Variants in MSI2 observed in about 807,000 individuals in gnomAD.
MSI2 encodes the protein musashi RNA binding protein 2.
In MSI2, 17 loss-of-function variants were observed where a neutral mutation model predicts 45.6. The ratio of observed to expected loss-of-function variants is 0.37; its 90% CI spans 0.26 to 0.56. The LOEUF (loss-of-function observed/expected upper bound fraction) is 0.56, where lower values mean the gene tolerates loss of function less well. MSI2 is among the 20% of genes least tolerant of loss of function. MSI2 has a pLI of 0.77. For missense variants in MSI2, 293 were observed against 444.2 expected (o/e 0.66, Z 3.06); for synonymous variants, 156 against 158.2 (o/e 0.99, Z 0.11).
At chr17:57,429,157 T>C (rs1205235665) in intron 6 of MSI2, among the ~76,000 whole-genome samples, 1 of 152,068 alleles carries the variant, frequency 6.6e-6, no homozygotes, top group Non-Finnish European at 1.5e-5. Context: ...TCTCCCTTCA[T>C]GTGGGGAGGG....
At chr17:57,521,509 T>G (rs983616602) in intron 6 of MSI2, among the ~76,000 whole-genome samples, 2 of 152,226 alleles carry the variant, frequency 1.3e-5, no homozygotes, top group African/African-American at 2.4e-5. Flanking sequence ...TTGGCTTTCT[T>G]GTACTAAGAC....
chr17:57,355,887 C>T (rs1266765437), intron 5 of MSI2, among the ~76,000 whole-genome samples: 1 of 152,064 alleles, frequency 6.6e-6, no homozygotes, highest in Non-Finnish European at 1.5e-5. Flanking sequence ...GGCTATGTTT[C>T]CCAGGCTAGG....
At chr17:57,662,977 C>T (rs375198425) in intron 11 of MSI2, among the ~76,000 whole-genome samples, 2 of 152,232 alleles carry the variant, frequency 1.3e-5, no homozygotes, top group East Asian at 3.8e-4. Context: ...AGCCAATGCC[C>T]AGAAGAAACT....
intron 10 of MSI2, among the ~76,000 whole-genome samples, chr17:57,642,535 G>A (rs1239822929): frequency 6.6e-6 from 1 of 152,128 alleles, no homozygotes; most frequent in East Asian, 1.9e-4. Context: ...AGTGAGCCAC[G>A]GCCTCCTTTA....
At chr17:57,443,685 G>A (rs993785628) in intron 6 of MSI2, among the ~76,000 whole-genome samples, 4 of 152,154 alleles carry the variant, frequency 2.6e-5, no homozygotes, top group African/African-American at 9.7e-5. Context: ...CTGCCCGTGT[G>A]AGACAGGCTT....
intron 11 of MSI2, among the ~76,000 whole-genome samples, chr17:57,656,542 G>T (rs1911601672): frequency 1.3e-5 from 2 of 152,294 alleles, no homozygotes; most frequent in Admixed American, 1.3e-4. Context: ...GGGGAAATGA[G>T]ACATGGTAAG....
intron 11 of MSI2, among the ~76,000 whole-genome samples, chr17:57,670,033 G>A (rs1912667728): frequency 6.6e-6 from 1 of 152,248 alleles, no homozygotes; most frequent in Non-Finnish European, 1.5e-5. Context: ...CTGGAACTTG[G>A]TGGGCCCCTG....
intron 8 of MSI2, among the ~76,000 whole-genome samples, chr17:57,613,183 GC>G (rs1401853760): frequency 6.6e-6 from 1 of 152,104 alleles, no homozygotes; most frequent in Non-Finnish European, 1.5e-5. Flanking sequence ...AAAATAACTA[GC>G]AAAATGCCCA....
chr17:57,449,808 A>G (rs1158510489), intron 6 of MSI2: 1 of 152,176 alleles, frequency 6.6e-6, no homozygotes, highest in Non-Finnish European at 1.5e-5. Context: ...CAGGCAGATC[A>G]TGAGGTCAGG....
chr17:57,359,217 A>G (rs939753833), intron 5 of MSI2, among the ~76,000 whole-genome samples: 7 of 152,214 alleles, frequency 4.6e-5, no homozygotes, highest in African/African-American at 1.7e-4. Context: ...GAGCCAGCCC[A>G]TCAAGCTGTC....
chr17:57,388,197 A>G (rs527950363), intron 5 of MSI2, among the ~76,000 whole-genome samples: 1 of 152,306 alleles, frequency 6.6e-6, no homozygotes, highest in African/African-American at 2.4e-5. Flanking sequence ...CTTGCTCATG[A>G]TGATTTTGGC....
chr17:57,585,489 G>A (rs2088321269), intron 7 of MSI2, among the ~76,000 whole-genome samples: 1 of 152,166 alleles, frequency 6.6e-6, no homozygotes, highest in Non-Finnish European at 1.5e-5. Flanking sequence ...GAGTCATGCA[G>A]CCAGTTGTGC....
chr17:57,401,601 T>G (rs1389149506), intron 6 of MSI2, 130 bp downstream of exon 6: 2 of 677,718 alleles, frequency 3.0e-6, no homozygotes, highest in Non-Finnish European at 5.2e-6. Context: ...CTGGCCATCA[T>G]GATTTAAGTG....
chr17:57,368,600 A>G (rs1047067698), intron 5 of MSI2, among the ~76,000 whole-genome samples: 4 of 152,214 alleles, frequency 2.6e-5, no homozygotes, highest in Non-Finnish European at 5.9e-5. Flanking sequence ...TTCTAATATG[A>G]TAAATATTGA....
At chr17:57,426,264 T>C (rs2143337828) in intron 6 of MSI2, among the ~76,000 whole-genome samples, 1 of 152,384 alleles carries the variant, frequency 6.6e-6, no homozygotes, top group East Asian at 1.9e-4. Flanking sequence ...AGACAGGATA[T>C]AGCTGAAGAC....
At chr17:57,363,213 G>A (rs1048841585) in intron 5 of MSI2, among the ~76,000 whole-genome samples, 4 of 152,238 alleles carry the variant, frequency 2.6e-5, no homozygotes, top group Non-Finnish European at 2.9e-5. Flanking sequence ...ATGCTACAAT[G>A]TGGATGGACC....
chr17:57,632,039 T>G (rs191218287), intron 10 of MSI2: 31 of 1,345,438 alleles, frequency 2.3e-5, no homozygotes, highest in Non-Finnish European at 2.8e-5. Context: ...TATTCTCCAG[T>G]CCCCTCCCAC....
downstream of MSI2, chr17:57,684,724 TG>T (rs1913817934): frequency 6.5e-6 from 1 of 152,792 alleles, no homozygotes; most frequent in Non-Finnish European, 1.5e-5. Context: ...AGAGGAGGTC[TG>T]GGGTCTGGGA....
At chr17:57,583,965 A>C (rs752473014) in intron 7 of MSI2, among the ~76,000 whole-genome samples, 12 of 152,172 alleles carry the variant, frequency 7.9e-5, no homozygotes, top group Non-Finnish European at 1.5e-4. Flanking sequence ...TTACATTTTA[A>C]TTTGCATAAA....
Sources: allele counts gnomAD v4.1 joint callset (sites outside exome capture counted in the v4.1 genomes callset), GRCh38; gene constraint gnomAD v4.1.1; transcripts MANE v1.5; gene names NCBI Gene and HGNC (gene_info 2026-07-23, HGNC 2026-07-21).